CUL5: variants seen among roughly 807,000 people sequenced by gnomAD.
CUL5 encodes cullin-5.
In CUL5, 26 loss-of-function variants were observed where a neutral mutation model predicts 108.8. The ratio of observed to expected loss-of-function variants is 0.24; its 90% confidence interval spans 0.18 to 0.33. The LOEUF is 0.33. Among genes scored for constraint, CUL5 ranks in the 10% least tolerant of loss-of-function variants. The pLI is 1.00. For missense variants in CUL5, 524 were observed against 909.2 expected, an observed-to-expected ratio of 0.58 and a Z score of 5.45; for synonymous variants, 334 against 298.0, an observed-to-expected ratio of 1.12 and a Z score of -1.25.
chr11:108,063,356 C>T (rs1863591564), intron 7 of CUL5, among the ~76,000 whole-genome samples: 1 of 152,158 alleles, frequency 6.6e-6, no homozygotes, highest in South Asian at 2.1e-4. Flanking sequence ...CCAGTTTCAT[C>T]CATGTTGTTG....
intron 18 of CUL5, among the ~76,000 whole-genome samples, chr11:108,099,593 T>C (rs572994337): frequency 3.4e-4 from 52 of 152,274 alleles, no homozygotes; most frequent in Non-Finnish European, 6.8e-4. Context: ...AAATTTTTAG[T>C]TGTAATTTAG....
chr11:108,094,661 T>G, intron 14 of CUL5, 147 bp downstream of exon 14: 1 of 800,780 alleles, frequency 1.2e-6, no homozygotes, highest in Non-Finnish European at 1.9e-6. Context: ...AAGCAGTGTG[T>G]TAGATTTACA....
chr11:108,107,309 A>T lies in CUL5; in HGVS notation c.*2925A>T, dbSNP rs949539140. The T allele has an allele frequency of 6.6e-6, 1 of 152,636 alleles. No homozygotes were observed. 9.5% of individuals were successfully genotyped at this position (152,636 alleles called of 1,614,324 possible). A position where few individuals can be genotyped will look rare whatever the true frequency, so the allele number is the denominator to read the frequency against. On this transcript the variant is annotated 3_prime_UTR_variant, in exon 19 of 19. Transcript: ENST00000393094. ...TTAAAAAGTATTTTGCATTATTTGC[A>T]GTAAGATGTCTCTAGCACTGCTCAA... is the stretch of plus-strand genomic sequence containing the variant.
chr11:108,092,540 G>A (rs1049610239), intron 13 of CUL5, among the ~76,000 whole-genome samples: 31 of 152,304 alleles, frequency 2.0e-4, no homozygotes, highest in African/African-American at 7.0e-4. Context: ...AATAATACAT[G>A]CTGCAATATT....
Position 108,008,980 on chromosome 11 carries a change from G to C in CUL5, c.-369G>C, listed in dbSNP as rs1295397434. On this transcript the variant is annotated 5_prime_UTR_variant, in exon 1 of 19. Transcript: ENST00000393094. Reference sequence around the variant, plus strand: ...AAGCCGAGCTAAATTCGTTGCAGGTGGCCGCGGCGGGTGCAACCACAAAGG... The same window carrying C: ...AAGCCGAGCTAAATTCGTTGCAGGTCGCCGCGGCGGGTGCAACCACAAAGG... The C allele has an allele frequency of 4.0e-6, 1 of 251,720 alleles. No individual in the cohort carries two copies. Among genetic ancestry groups the C allele is most frequent in the Non-Finnish European group, 7.6e-6 (1 of 131,644 alleles). 15.6% of individuals were successfully genotyped at this position (251,720 alleles called of 1,614,324 possible). A position where few individuals can be genotyped will look rare whatever the true frequency, so the allele number is the denominator to read the frequency against.
intron 1 of CUL5, among the ~76,000 whole-genome samples, chr11:108,030,907 T>C (rs1472736129): frequency 6.6e-6 from 1 of 152,194 alleles, no homozygotes; most frequent in Non-Finnish European, 1.5e-5. Context: ...TAGGAATCTG[T>C]ATGTGTAATC....
intron 2 of CUL5, among the ~76,000 whole-genome samples, chr11:108,041,818 C>A (rs1254745480): frequency 6.6e-6 from 1 of 152,110 alleles, no homozygotes; most frequent in Non-Finnish European, 1.5e-5. Context: ...TCTCGAACTC[C>A]TAACCTCAGG....
chr11:108,095,127 A>C (rs1383812314), intron 15 of CUL5, 140 bp downstream of exon 15: 1 of 669,912 alleles, frequency 1.5e-6, no homozygotes, highest in Non-Finnish European at 2.4e-6. Context: ...TTTTTTCATG[A>C]AGTTGATAGG....
intron 1 of CUL5, among the ~76,000 whole-genome samples, chr11:108,015,417 CA>C (rs2135037279): frequency 1.3e-5 from 2 of 152,280 alleles, no homozygotes; most frequent in South Asian, 4.1e-4. Context: ...GGTGCATAAC[CA>C]GAGAATTCTT....
intron 16 of CUL5, among the ~76,000 whole-genome samples, 181 bp downstream of exon 16, chr11:108,095,872 G>T (rs1036904695): frequency 1.3e-5 from 2 of 151,316 alleles, no homozygotes; most frequent in African/African-American, 2.4e-5. Flanking sequence ...GAGGTGGGCA[G>T]ATCACTTGAG....
chr11:108,024,566 A>G (rs1251636813), intron 1 of CUL5, among the ~76,000 whole-genome samples: 1 of 152,262 alleles, frequency 6.6e-6, no homozygotes, highest in African/African-American at 2.4e-5. Context: ...AAATAATCAC[A>G]GTGATTCAGT....
At chr11:108,074,383 C>CG (rs1565259344) in intron 10 of CUL5, among the ~76,000 whole-genome samples, 2 of 151,462 alleles carry the variant, frequency 1.3e-5, no homozygotes, top group East Asian at 3.9e-4. Flanking sequence ...TTACTACAGA[C>CG]GGGGTTTCAC....
At chr11:108,070,003 T>C in intron 7 of CUL5, 93 bp from the exon 8 acceptor site, 1 of 744,290 alleles carries the variant, frequency 1.3e-6, no homozygotes, top group Non-Finnish European at 2.2e-6. Flanking sequence ...ATAATTTTTT[T>C]TTTGTTGAAC....
intron 18 of CUL5, among the ~76,000 whole-genome samples, chr11:108,103,415 G>GAAAA (rs1031920719): frequency 1.3e-5 from 2 of 149,072 alleles, no homozygotes. Context: ...AGAAGAAGGG[G>GAAAA]AAAAAAAAAA....
chr11:108,078,161 A>C lies in CUL5; in HGVS notation c.1114-15A>C, dbSNP rs1591319889. On this transcript the variant is annotated splice_polypyrimidine_tract_variant and intron_variant, in intron 10 of 18. Coordinates refer to ENST00000393094, the MANE Select transcript of CUL5 (RefSeq NM_003478.6). ...TCAATATTAAAAATATTTTATTCCA[A>C]ATTATTTTTTGCAGGCGTATAAAGC... The C allele has an allele frequency of 7.0e-7, 1 of 1,436,812 alleles. No individual in the cohort carries two copies. The highest frequency in any genetic ancestry group is 2.4e-5 in the East Asian group (1 of 42,292). 89.0% of individuals were successfully genotyped at this position (1,436,812 alleles called of 1,614,324 possible). A position where few individuals can be genotyped will look rare whatever the true frequency, so the allele number is the denominator to read the frequency against.
intron 1 of CUL5, among the ~76,000 whole-genome samples, chr11:108,020,397 A>G (rs1862299327): frequency 6.6e-6 from 1 of 152,202 alleles, no homozygotes. Context: ...GACCCTGTGG[A>G]GGCCTAGGCT....
chr11:108,039,303 AGC>A (rs775421553), intron 2 of CUL5, among the ~76,000 whole-genome samples: 177 of 152,296 alleles, frequency 1.2e-3, no homozygotes, highest in Non-Finnish European at 2.1e-3. Context: ...TACAGGCATG[AGC>A]CACTGTGCCC....
intron 1 of CUL5, among the ~76,000 whole-genome samples, chr11:108,022,857 A>T (rs1224224266): frequency 6.6e-6 from 1 of 152,188 alleles, no homozygotes; most frequent in Non-Finnish European, 1.5e-5. Context: ...CTCTAAAAAA[A>T]AGTCAATTAT....
chr11:108,064,832 T>C (rs937385216), intron 7 of CUL5, among the ~76,000 whole-genome samples: 5 of 152,316 alleles, frequency 3.3e-5, no homozygotes, highest in Non-Finnish European at 7.3e-5. Flanking sequence ...CTTTGTCTGC[T>C]TTTGGTATTA....
Sources: allele counts gnomAD v4.1 joint callset (sites outside exome capture counted in the v4.1 genomes callset), GRCh38; gene constraint gnomAD v4.1.1; transcripts MANE v1.5; gene names NCBI Gene and HGNC (gene_info 2026-07-23, HGNC 2026-07-21).